NAV1: variants seen among roughly 807,000 people sequenced by gnomAD.
NAV1 encodes neuron navigator 1.
Under a neutral mutation model 175.2 loss-of-function variants are expected in NAV1, and 18 were observed. That is an observed-to-expected ratio of 0.10 (90% CI 0.07 to 0.15). The LOEUF is 0.15. Ranked by LOEUF, NAV1 falls within the 10% of genes least tolerant of loss-of-function variation. NAV1 has a pLI of 1.00. For synonymous variants in NAV1, 897 were observed against 978.7 expected, an observed-to-expected ratio of 0.92 and a Z score of 1.56; for missense variants, 1,731 against 2,436.6, an observed-to-expected ratio of 0.71 and a Z score of 6.10.
At chr1:201,577,820 G>A (rs1666737953) in intron 1 of NAV1, among the ~76,000 whole-genome samples, 1 of 152,070 alleles carries the variant, frequency 6.6e-6, no homozygotes, top group Admixed American at 6.5e-5. Context: ...GAAAAATATT[G>A]TGCCACTTCC....
chr1:201,818,837 T>A (rs1302568539), intron 29 of NAV1, among the ~76,000 whole-genome samples: 2 of 152,238 alleles, frequency 1.3e-5, no homozygotes, highest in Non-Finnish European at 2.9e-5. Flanking sequence ...ATAATCATAA[T>A]ACATTTTTAT....
intron 1 of NAV1, among the ~76,000 whole-genome samples, chr1:201,702,676 CTCTCTCTCT>C (rs1558080551): frequency 0.021 from 2,643 of 125,670 alleles, 298 homozygotes; most frequent in East Asian, 0.047. Context: ...TGTGAATTCT[CTCTCTCTCT>C]CTCTCTCTCT....
chr1:201,771,238 C>CAAAA (rs3054144), intron 3 of NAV1, among the ~76,000 whole-genome samples: 6,775 of 92,428 alleles, frequency 0.073, 522 homozygotes, highest in East Asian at 0.28. Flanking sequence ...GACTCCGTCT[C>CAAAA]AAAAAAAAAA....
At position 201,809,276 on chromosome 1, in the gene NAV1, G is replaced by C. The variant is rs757967745; in HGVS notation, c.4305+15G>C. 1.2e-6 allele frequency: 2 copies of C among 1,612,734 alleles called. No individual in the cohort carries two copies. Among genetic ancestry groups the C allele is most frequent in the African/African-American group, 1.3e-5 (1 of 74,858 alleles). On this transcript the variant is annotated intron_variant, in intron 21 of 29. Coordinates refer to ENST00000367296, the Ensembl canonical transcript of NAV1. ...TCATCAAAGGGGTAAGGAACTTCAG[G>C]GAGAGCCACAGTGGGAATGAACAAA...
At chr1:201,636,362 C>T (rs1668619161) in intron 2 of NAV1, among the ~76,000 whole-genome samples, 1 of 152,180 alleles carries the variant, frequency 6.6e-6, no homozygotes, top group Admixed American at 6.5e-5. Context: ...CACTATAAGG[C>T]TGCGGGCAGG....
intron 1 of NAV1, among the ~76,000 whole-genome samples, chr1:201,691,240 C>T (rs112169769): frequency 3.2e-4 from 48 of 152,314 alleles, no homozygotes; most frequent in African/African-American, 1.1e-3. Context: ...CTCCAGACAT[C>T]ACCAAATGTC....
chr1:201,582,982 G>A (rs1487162993), intron 1 of NAV1, among the ~76,000 whole-genome samples: 1 of 152,224 alleles, frequency 6.6e-6, no homozygotes, highest in African/African-American at 2.4e-5. Flanking sequence ...CTAGTCTTTG[G>A]AGAGGCTACA....
intron 2 of NAV1, among the ~76,000 whole-genome samples, chr1:201,589,349 T>C (rs1667125381): frequency 1.3e-5 from 2 of 152,340 alleles, no homozygotes; most frequent in Non-Finnish European, 2.9e-5. Context: ...AAGCAAATTG[T>C]CATCTTTGCC....
At chr1:201,545,075 T>A (rs1200553443) in intron 1 of NAV1, among the ~76,000 whole-genome samples, 4 of 152,228 alleles carry the variant, frequency 2.6e-5, no homozygotes, top group African/African-American at 9.6e-5. Flanking sequence ...GGCCATGGAA[T>A]CTCTTAGAGA....
intron 28 of NAV1, 26 bp from the exon 33 acceptor site, chr1:201,817,060 CAG>C: frequency 6.2e-7 from 1 of 1,605,420 alleles, no homozygotes; most frequent in Non-Finnish European, 8.5e-7. Context: ...TAATTCCCCA[CAG>C]TAATCATATT....
exon 17 of NAV1, chr1:201,804,490 T>C: frequency 1.9e-6 from 3 of 1,544,592 alleles, no homozygotes; most frequent in Non-Finnish European, 2.6e-6. Flanking sequence ...TTTTTCCAGG[T>C]CTATGAGGTA....
At chr1:201,769,377 C>T (rs1434302439) in intron 3 of NAV1, among the ~76,000 whole-genome samples, 1 of 152,198 alleles carries the variant, frequency 6.6e-6, no homozygotes, top group Non-Finnish European at 1.5e-5. Flanking sequence ...CACTGCCTAA[C>T]CTAGGTCACC....
intron 1 of NAV1, among the ~76,000 whole-genome samples, chr1:201,574,901 C>T (rs1020306542): frequency 9.9e-5 from 15 of 152,188 alleles, no homozygotes; most frequent in African/African-American, 3.6e-4. Context: ...GACTGGGGTG[C>T]TCATGGCACT....
At chr1:201,714,793 C>T (rs528982688) in intron 2 of NAV1, among the ~76,000 whole-genome samples, 4 of 152,224 alleles carry the variant, frequency 2.6e-5, no homozygotes, top group Non-Finnish European at 5.9e-5. Flanking sequence ...GGCCACACCC[C>T]AAATGACTCA....
intron 28 of NAV1, among the ~76,000 whole-genome samples, chr1:201,815,611 T>C (rs933969693): frequency 8.5e-5 from 13 of 152,262 alleles, no homozygotes; most frequent in African/African-American, 3.1e-4. Context: ...GTTGAGGAGA[T>C]GTTAGTCAAA....
chr1:201,549,064 A>T (rs1342006978), intron 1 of NAV1, among the ~76,000 whole-genome samples: 2 of 151,198 alleles, frequency 1.3e-5, no homozygotes, highest in Non-Finnish European at 3.0e-5. Flanking sequence ...TTAAATTCAG[A>T]TATTCTAGTT....
intron 1 of NAV1, among the ~76,000 whole-genome samples, chr1:201,682,217 C>T (rs767351870): frequency 1.3e-5 from 2 of 150,648 alleles, no homozygotes; most frequent in Non-Finnish European, 3.0e-5. Flanking sequence ...ACCCGGGAGG[C>T]GGAGGTTGCA....
intron 1 of NAV1, chr1:201,672,962 T>G (rs1321769417): frequency 6.6e-6 from 1 of 152,170 alleles, no homozygotes; most frequent in African/African-American, 2.4e-5. Flanking sequence ...TAGGCCCACA[T>G]GTAGAACTCT....
intron 1 of NAV1, among the ~76,000 whole-genome samples, chr1:201,543,593 G>C (rs184447550): frequency 6.6e-6 from 1 of 151,814 alleles, no homozygotes; most frequent in Admixed American, 6.5e-5. Flanking sequence ...CATTAGGATG[G>C]GTTGATGTAT....
Sources: allele counts gnomAD v4.1 joint callset (sites outside exome capture counted in the v4.1 genomes callset), GRCh38; gene constraint gnomAD v4.1.1; transcripts MANE v1.5; gene names NCBI Gene and HGNC (gene_info 2026-07-23, HGNC 2026-07-21).